The following IP6K1 variants were observed in gnomAD, a reference collection of about 807,000 sequenced individuals.
The protein encoded by IP6K1 is ATP:1D-myo-inositol-hexakisphosphate phosphotransferase.
Under a neutral mutation model 38.3 loss-of-function variants are expected in IP6K1, and 13 were observed. The ratio of observed to expected loss-of-function variants is 0.34; its 90% confidence interval spans 0.22 to 0.54. The LOEUF is 0.54. Among genes scored for constraint, IP6K1 ranks in the 20% least tolerant of loss-of-function variants. The pLI is 0.92. For missense variants in IP6K1, 397 were observed against 599.8 expected (o/e 0.66, Z 3.53); for synonymous variants, 212 against 229.9 (o/e 0.92, Z 0.70).
At chr3:49,756,421 CTG>C (rs1221293091) in intron 1 of IP6K1, among the ~76,000 whole-genome samples, 15 of 152,070 alleles carry the variant, frequency 9.9e-5, no homozygotes, top group African/African-American at 3.4e-4. Context: ...TTGACATCAG[CTG>C]TGTCAAATGT....
chr3:49,785,918 C>T (rs2081108819), intron 1 of IP6K1: 1 of 152,212 alleles, frequency 6.6e-6, no homozygotes, highest in Admixed American at 6.5e-5. Context: ...CTCGCGGGGG[C>T]TTTGGCTTGC....
intron 1 of IP6K1, among the ~76,000 whole-genome samples, chr3:49,761,067 G>C (rs1287519551): frequency 6.6e-6 from 1 of 152,136 alleles, no homozygotes; most frequent in Non-Finnish European, 1.5e-5. Flanking sequence ...TGTAATCCCA[G>C]CACTTTGGGA....
intron 1 of IP6K1, among the ~76,000 whole-genome samples, chr3:49,774,949 T>C (rs1009009248): frequency 4.0e-5 from 6 of 151,860 alleles, no homozygotes; most frequent in African/African-American, 1.5e-4. Context: ...AACCAATTAA[T>C]ATACAACCTT....
rs571118807 is a variant in IP6K1, at chr3:49,756,540, G to A, written c.-128-8372C>T. On this transcript the variant is annotated intron_variant, in intron 1 of 5. Coordinates refer to ENST00000321599, the MANE Select transcript of IP6K1 (RefSeq NM_153273.4). ...TGCACAAAAAGAAAGGAGAAGGGCC[G>A]GGCGCAGTGGCTCATGCCTGTAATC... Among the ~76,000 whole-genome samples the A allele has an allele frequency of 2.6e-5, 4 of 152,218 alleles. 1 individual carries two copies. The highest frequency in any genetic ancestry group is 7.2e-5 in the African/African-American group (3 of 41,552).
chr3:49,785,133 T>A (rs558939858), intron 1 of IP6K1, among the ~76,000 whole-genome samples: 1 of 152,320 alleles, frequency 6.6e-6, no homozygotes, highest in Admixed American at 6.5e-5. Context: ...CACACTCTAC[T>A]GAGGATCTCC....
At chr3:49,745,870 A>G (rs1165086893) in intron 2 of IP6K1, among the ~76,000 whole-genome samples, 7 of 151,798 alleles carry the variant, frequency 4.6e-5, no homozygotes, top group Non-Finnish European at 8.8e-5. Flanking sequence ...AAAAAAAAAA[A>G]AAGACAGAAA....
chr3:49,777,833 T>G (rs2081031400), intron 1 of IP6K1, among the ~76,000 whole-genome samples: 1 of 151,652 alleles, frequency 6.6e-6, no homozygotes, highest in Non-Finnish European at 1.5e-5. Flanking sequence ...GAGAATGGCG[T>G]GAACCCGGGA....
chr3:49,783,712 CA>C (rs10713526), intron 1 of IP6K1, among the ~76,000 whole-genome samples: 64,594 of 121,874 alleles, frequency 0.53, 15,202 homozygotes, highest in African/African-American at 0.62. Flanking sequence ...GATTCCGTCT[CA>C]AAAAAAAAAA....
rs2080561375 is a variant in IP6K1, at chr3:49,731,506, C to T, written c.616+1285G>A. Among the ~76,000 whole-genome samples the T allele has an allele frequency of 8.5e-5, 13 of 152,166 alleles. No individual in the cohort carries two copies. In the South Asian group the frequency reaches 2.7e-3, roughly 31 times the overall value. On this transcript the variant is annotated intron_variant, in intron 4 of 5. Transcript: ENST00000321599. ...TATCTCAACACCCTGGAAGCATGGG[C>T]TCTGGAATCCTGCCTTGACCACTCA... is the stretch of plus-strand genomic sequence containing the variant.
intron 1 of IP6K1, among the ~76,000 whole-genome samples, chr3:49,760,960 T>C (rs2080862916): frequency 6.6e-6 from 1 of 152,232 alleles, no homozygotes; most frequent in African/African-American, 2.4e-5. Flanking sequence ...TTTTCAAATA[T>C]ATGCTATACT....
At chr3:49,762,336 G>C (rs1317824704) in intron 1 of IP6K1, among the ~76,000 whole-genome samples, 1 of 152,200 alleles carries the variant, frequency 6.6e-6, no homozygotes, top group Non-Finnish European at 1.5e-5. Context: ...GAGGTCAGGA[G>C]ACTGAGACCA....
intron 1 of IP6K1, among the ~76,000 whole-genome samples, chr3:49,753,960 A>C (rs2080800309): frequency 2.0e-5 from 3 of 152,248 alleles, no homozygotes. Context: ...AGCAAAATAC[A>C]GAAGGAAAAA....
At chr3:49,784,055 C>T (rs929615719) in intron 1 of IP6K1, among the ~76,000 whole-genome samples, 1 of 151,940 alleles carries the variant, frequency 6.6e-6, no homozygotes, top group African/African-American at 2.4e-5. Context: ...CTCACTCTGT[C>T]ACCCAGGCTG....
chr3:49,756,459 T>C (rs552456351), intron 1 of IP6K1, among the ~76,000 whole-genome samples: 4 of 152,284 alleles, frequency 2.6e-5, no homozygotes, highest in South Asian at 2.1e-4. Context: ...AAAGGAGATA[T>C]GTGAAGAATT....
chr3:49,731,627 A>C (rs2080562456), intron 4 of IP6K1, among the ~76,000 whole-genome samples: 1 of 152,156 alleles, frequency 6.6e-6, no homozygotes, highest in Non-Finnish European at 1.5e-5. Flanking sequence ...GATTGCTGTG[A>C]AAATTAACTA....
At chr3:49,740,983 G>A (rs905627845) in intron 2 of IP6K1, among the ~76,000 whole-genome samples, 5 of 151,906 alleles carry the variant, frequency 3.3e-5, no homozygotes, top group African/African-American at 1.2e-4. Flanking sequence ...TGAGGAGCGG[G>A]GATTACAGGT....
rs2080735392 is a variant in IP6K1, at chr3:49,747,870, G to A, written c.171C>T (p.Arg57=). The A allele has an allele frequency of 6.2e-7, 1 of 1,614,084 alleles. No individual in the cohort carries two copies. Among genetic ancestry groups the A allele is most frequent in the Admixed American group, 1.7e-5 (1 of 59,994 alleles). ...VCKPLISREQ[R]FYESLPPEMK... is the part of the protein sequence containing the mutation. The stretch of plus-strand genomic sequence containing the variant: ...TTTCGGGAGGGAGGGACTCGTAAAA[G>A]CGCTGTTCCCGGGAGATGAGGGGCT... Residue 57 remains arginine, a synonymous_variant, in exon 2 of 6, where the codon CGC becomes CGT. Coordinates refer to ENST00000321599, the MANE Select transcript of IP6K1 (RefSeq NM_153273.4).
At chr3:49,785,700 AC>A (rs2108269270) in intron 1 of IP6K1, 1 of 152,346 alleles carries the variant, frequency 6.6e-6, no homozygotes, top group African/African-American at 2.4e-5. Flanking sequence ...GGAAGACATT[AC>A]CACTCTCCAA....
chr3:49,761,058 G>GTAATC (rs2080863651), intron 1 of IP6K1, among the ~76,000 whole-genome samples: 1 of 152,216 alleles, frequency 6.6e-6, no homozygotes, highest in Admixed American at 6.5e-5. Context: ...GCTCACACCT[G>GTAATC]TAATCCCAGC....
Sources: allele counts gnomAD v4.1 joint callset (sites outside exome capture counted in the v4.1 genomes callset), GRCh38; gene constraint gnomAD v4.1.1; transcripts MANE v1.5; gene names NCBI Gene and HGNC (gene_info 2026-07-23, HGNC 2026-07-21).